GFRA2: variants seen among roughly 807,000 people sequenced by gnomAD.
The protein encoded by GFRA2 is GDNF family receptor alpha 2.
In GFRA2, 17 loss-of-function variants were observed where a neutral mutation model predicts 48.3. The ratio of observed to expected loss-of-function variants is 0.35; its 90% CI spans 0.24 to 0.53. The LOEUF (loss-of-function observed/expected upper bound fraction) is 0.53. GFRA2 is among the 20% of genes least tolerant of loss of function. The probability of loss-of-function intolerance (pLI) is 0.93; values close to 1 mark genes in which losing one functional copy is unlikely to be tolerated. For synonymous variants in GFRA2, 305 were observed against 257.2 expected (o/e 1.19, Z -1.78); for missense variants, 660 against 637.3 (o/e 1.04, Z -0.38).
intron 1 of GFRA2, among the ~76,000 whole-genome samples, chr8:21,809,281 C>A (rs1250506981): frequency 2.0e-5 from 3 of 152,224 alleles, no homozygotes; most frequent in Non-Finnish European, 4.4e-5. Context: ...ATGTCCGCTG[C>A]AGATGTATCT....
intron 4 of GFRA2, among the ~76,000 whole-genome samples, chr8:21,720,441 C>A (rs1803540545): frequency 6.6e-6 from 1 of 152,138 alleles, no homozygotes; most frequent in South Asian, 2.1e-4. Context: ...AGGGACCATG[C>A]CTGGCATGCC....
intron 1 of GFRA2, among the ~76,000 whole-genome samples, chr8:21,808,998 A>C (rs917452543): frequency 2.0e-5 from 3 of 152,204 alleles, no homozygotes; most frequent in Admixed American, 6.5e-5. Context: ...GGAATGAAGC[A>C]GGGTATGAAT....
rs200998497 is a variant in GFRA2 at position 21,804,437 on chromosome 8, C to A, written c.-36+580G>T. ...TAAACTTCTCTGCTAAAAAAAAAAA[C>A]AAAAAAAAAACAAACTGGTGCATTA... is the stretch of plus-strand genomic sequence containing the variant. On this transcript the variant is annotated intron_variant, in intron 2 of 10. Transcript: ENST00000517328. Among the ~76,000 whole-genome samples the A allele has an allele frequency of 4.2e-3, 339 of 80,514 alleles. 1 individual carries two copies. The highest frequency in any genetic ancestry group is 0.012 in the African/African-American group (286 of 23,440). The allele number at this position is 80,514 out of a possible 152,430, so 52.8% of individuals were successfully genotyped here. A position where few individuals can be genotyped will look rare whatever the true frequency, so the allele number is the denominator to read the frequency against.
chr8:21,806,441 C>T (rs1049410521), intron 1 of GFRA2, among the ~76,000 whole-genome samples: 3 of 152,144 alleles, frequency 2.0e-5, no homozygotes, highest in African/African-American at 7.2e-5. Flanking sequence ...CTAGACTAAG[C>T]TATGATTTTT....
intron 4 of GFRA2, among the ~76,000 whole-genome samples, chr8:21,729,793 G>A (rs2117489952): frequency 6.6e-6 from 1 of 152,152 alleles, no homozygotes; most frequent in Middle Eastern, 3.4e-3. Context: ...AGAGTCACCA[G>A]AGAACGACTC....
Position 21,693,361 on chromosome 8 carries a change from T to G in GFRA2, c.1312A>C (p.Lys438Gln). The G allele has an allele frequency of 1.2e-6, 2 of 1,613,210 alleles. No individual in the cohort carries two copies. The highest frequency in any genetic ancestry group is 2.2e-5 in the South Asian group (2 of 90,922). The change falls in exon 9 of 9, where the codon AAA (lysine) becomes CAA (glutamine). Residue 438 changes from lysine to glutamine, a missense_variant. Physicochemically the swap from Lys to Gln is moderately conservative, Grantham distance 53. Transcript: ENST00000524240. ...NIIPGSNKVI[K>Q]PNSGPSRARP... is the part of the protein sequence containing the mutation. The stretch of plus-strand genomic sequence containing the variant: ...GCTCTGCTGGGGCCTGAGTTAGGTT[T>G]GATCACCTTGTTACTCCCTGGGATG...
intron 4 of GFRA2, among the ~76,000 whole-genome samples, chr8:21,742,901 A>G (rs1010777772): frequency 1.3e-5 from 2 of 152,178 alleles, no homozygotes; most frequent in African/African-American, 4.8e-5. Flanking sequence ...AGAAGCCTGT[A>G]AAGTTAAGGT....
chr8:21,700,573 G>A (rs985815826), intron 7 of GFRA2, among the ~76,000 whole-genome samples: 9 of 152,188 alleles, frequency 5.9e-5, no homozygotes, highest in Admixed American at 1.3e-4. Flanking sequence ...CTTCTCGACT[G>A]CCAACTGGCT....
chr8:21,797,628 G>T (rs1246183166), intron 2 of GFRA2: 1 of 152,084 alleles, frequency 6.6e-6, no homozygotes, highest in Admixed American at 6.6e-5. Flanking sequence ...TGCCACCCGT[G>T]CCTCTCACTT....
chr8:21,755,533 C>T (rs1805525331), intron 3 of GFRA2, among the ~76,000 whole-genome samples: 1 of 152,096 alleles, frequency 6.6e-6, no homozygotes, highest in South Asian at 2.1e-4. Flanking sequence ...AGGCTGCAAC[C>T]CTGCCAGAGA....
chr8:21,785,193 CT>C (rs1198061991), intron 1 of GFRA2, among the ~76,000 whole-genome samples: 1 of 152,252 alleles, frequency 6.6e-6, no homozygotes, highest in East Asian at 1.9e-4. Flanking sequence ...CATAAGGACG[CT>C]TTTTTTGCTT....
At chr8:21,727,541 C>A (rs554795163) in intron 4 of GFRA2, among the ~76,000 whole-genome samples, 21 of 152,316 alleles carry the variant, frequency 1.4e-4, no homozygotes, top group East Asian at 3.9e-4. Flanking sequence ...CATCACGGCC[C>A]CCCCCAGGAG....
upstream of GFRA2, among the ~76,000 whole-genome samples, chr8:21,790,809 AG>A (rs1807556866): frequency 6.6e-6 from 1 of 152,208 alleles, no homozygotes; most frequent in Admixed American, 6.5e-5. Flanking sequence ...GCATCTGACA[AG>A]GTCTCTTGGC....
intron 4 of GFRA2, among the ~76,000 whole-genome samples, chr8:21,748,211 T>G (rs1314570311): frequency 6.6e-6 from 1 of 152,136 alleles, no homozygotes; most frequent in East Asian, 1.9e-4. Flanking sequence ...CAAGTCCAAG[T>G]GCCCCCTATG....
intron 4 of GFRA2, among the ~76,000 whole-genome samples, chr8:21,719,719 T>C (rs1365724048): frequency 1.3e-5 from 2 of 152,224 alleles, no homozygotes; most frequent in African/African-American, 2.4e-5. Context: ...TGAATGCTGA[T>C]ACGGTTCTTG....
At chr8:21,759,525 GGAA>G (rs1805786277) in intron 3 of GFRA2, among the ~76,000 whole-genome samples, 1 of 146,764 alleles carries the variant, frequency 6.8e-6, no homozygotes, top group African/African-American at 2.5e-5. Context: ...AAGGAAGGAA[GGAA>G]GGAAGGAAGG....
intron 4 of GFRA2, among the ~76,000 whole-genome samples, chr8:21,735,916 G>C (rs932777181): frequency 6.6e-6 from 1 of 152,066 alleles, no homozygotes; most frequent in East Asian, 1.9e-4. Flanking sequence ...CCTCTTCAAA[G>C]TGTTTGGATT....
intron 4 of GFRA2, among the ~76,000 whole-genome samples, chr8:21,746,266 C>T (rs529836121): frequency 3.3e-5 from 5 of 152,268 alleles, no homozygotes; most frequent in South Asian, 2.1e-4. Context: ...CAATGCACCC[C>T]GCCCCAAACC....
At chr8:21,751,912 A>C (rs1242496098) in intron 3 of GFRA2, among the ~76,000 whole-genome samples, 1 of 152,162 alleles carries the variant, frequency 6.6e-6, no homozygotes, top group Non-Finnish European at 1.5e-5. Context: ...CCAGAAAACC[A>C]AGAGGAGAAC....
Sources: allele counts gnomAD v4.1 joint callset (sites outside exome capture counted in the v4.1 genomes callset), GRCh38; gene constraint gnomAD v4.1.1; transcripts MANE v1.5; gene names NCBI Gene and HGNC (gene_info 2026-07-23, HGNC 2026-07-21).